SYNRG: variants seen among roughly 807,000 people sequenced by gnomAD.
SYNRG encodes the protein synergin gamma, also known as AP1 gamma subunit binding protein 1.
A neutral mutation model predicts 130.9 loss-of-function variants in SYNRG; 37 were observed. The ratio of observed to expected loss-of-function variants is 0.28; its 90% confidence interval spans 0.22 to 0.37. The LOEUF is 0.37. SYNRG is among the 10% of genes least tolerant of loss of function. The probability of loss-of-function intolerance (pLI) is 1.00; values close to 1 mark genes in which losing one functional copy is unlikely to be tolerated. For synonymous variants in SYNRG, 539 were observed against 568.1 expected (o/e 0.95, Z 0.73); for missense variants, 1,338 against 1,588.9 (o/e 0.84, Z 2.68).
chr17:37,595,843 C>T (rs1196290911), intron 3 of SYNRG, among the ~76,000 whole-genome samples: 1 of 151,766 alleles, frequency 6.6e-6, no homozygotes, highest in Non-Finnish European at 1.5e-5. Flanking sequence ...CAACCTCCAC[C>T]TCTCGGGTTT....
In SYNRG at chr17:37,520,547, C is replaced by G. The variant is rs775106076; in HGVS notation, c.3768G>C (p.Ser1256=). ...AGGCTGCGTGACTTACCCGGCTCCTCGAGTCCACATTCAAGAGGCACACTC... is the reference window on the plus strand; with the variant it reads ...AGGCTGCGTGACTTACCCGGCTCCTGGAGTCCACATTCAAGAGGCACACTC... ...ACGVCLLNVD[S]RSRKEEKPAE... Residue 1256 remains serine, a synonymous_variant, in exon 20 of 22, where the codon TCG becomes TCC. Transcript: ENST00000612223. 1 of 1,613,974 alleles carries G rather than the reference C, an allele frequency of 6.2e-7. No homozygotes were observed. Among genetic ancestry groups the G allele is most frequent in the Non-Finnish European group, 8.5e-7 (1 of 1,180,030 alleles).
In SYNRG at chr17:37,597,421, A is replaced by G. The variant is rs773026549; in HGVS notation, c.119-1077T>C. Among the ~76,000 whole-genome samples the G allele has an allele frequency of 2.6e-4, 39 of 152,366 alleles. No homozygotes were observed. The Middle Eastern group carries it at 0.01, about 40-fold the overall frequency. On this transcript the variant is annotated intron_variant, in intron 2 of 21. Coordinates refer to ENST00000612223, the MANE Select transcript of SYNRG (RefSeq NM_007247.6). Reference sequence around the variant, plus strand: ...TTTGTTACACAACAGCAGATAACTAACAAAATAACAGTTAGGAGCATGAAC... The same window carrying G: ...TTTGTTACACAACAGCAGATAACTAGCAAAATAACAGTTAGGAGCATGAAC...
At chr17:37,558,783 A>AT (rs1427374262) in intron 13 of SYNRG, among the ~76,000 whole-genome samples, 19 of 152,214 alleles carry the variant, frequency 1.2e-4, no homozygotes, top group Non-Finnish European at 2.4e-4. Context: ...ATCCTTGAAC[A>AT]TACTAAGTGA....
chr17:37,583,472 C>CCCGGAAAAATCAAGAACTGGTTA, intron 6 of SYNRG, among the ~76,000 whole-genome samples: 1 of 152,150 alleles, frequency 6.6e-6, no homozygotes, highest in South Asian at 2.1e-4. Context: ...TCAAAGTTGT[C>CCCGGAAAAATCAAGAACTGGTTA]CCGGAAAAAT....
chr17:37,540,350 C>T, intron 16 of SYNRG, 30 bp downstream of exon 16: 2 of 1,610,252 alleles, frequency 1.2e-6, no homozygotes, highest in Non-Finnish European at 1.7e-6. Context: ...TGGTCTGTTA[C>T]CCACCCCTTG....
At chr17:37,582,695 T>C (rs941280099) in intron 6 of SYNRG, among the ~76,000 whole-genome samples, 3 of 152,066 alleles carry the variant, frequency 2.0e-5, no homozygotes, top group African/African-American at 7.2e-5. Context: ...ATCCCGTCTC[T>C]ACAAAAAATA....
At chr17:37,576,488 G>A in intron 7 of SYNRG, 70 bp from the exon 8 acceptor site, 15 of 1,465,988 alleles carry the variant, frequency 1.0e-5, no homozygotes, top group Non-Finnish European at 1.4e-5. Flanking sequence ...CTGAGTCATG[G>A]TTTTTTACAA....
rs759361585 is a variant in SYNRG, at chr17:37,609,288, C to A, written c.68G>T (p.Gly23Val). Residue 23 changes from glycine (G) to valine (V), a missense_variant, in exon 1 of 22, where the codon GGG (glycine) becomes GTG (valine). This residue lies in a region of SYNRG where 184 missense variants were observed against 217.2 expected (regional missense o/e 0.85). Transcript: ENST00000612223. ...GGCTCTTCACACCTACCCGCCTCCC[C>A]CGGCGGACCCCGCGCCAGCTCCCGC... is the stretch of plus-strand genomic sequence containing the variant. ...GAAGAGAGSA[G>V]GGGFMFPVAG... is the part of the protein sequence containing the mutation. 6 of 1,451,912 alleles carry A rather than the reference C, an allele frequency of 4.1e-6. No homozygotes were observed. Among genetic ancestry groups the A allele is most frequent in the South Asian group, 2.7e-5 (2 of 74,572 alleles). 89.9% of individuals were successfully genotyped at this position (1,451,912 alleles called of 1,614,324 possible).
intron 2 of SYNRG, among the ~76,000 whole-genome samples, chr17:37,599,108 C>T (rs1375709067): frequency 3.9e-5 from 6 of 152,208 alleles, no homozygotes; most frequent in African/African-American, 1.4e-4. Flanking sequence ...ATCTCTACTG[C>T]TGACCTAGGA....
intron 16 of SYNRG, 82 bp from the exon 17 acceptor site, chr17:37,539,327 G>T: frequency 1.4e-6 from 2 of 1,428,894 alleles, no homozygotes; most frequent in Non-Finnish European, 9.7e-7. Context: ...CAAAGTGCTT[G>T]GAGGACTTTC....
chr17:37,557,752 G>A (rs546854094), intron 13 of SYNRG, among the ~76,000 whole-genome samples: 37 of 152,196 alleles, frequency 2.4e-4, no homozygotes, highest in Middle Eastern at 3.4e-3. Flanking sequence ...TGGGACGGAG[G>A]CTGAGGCTGC....
intron 6 of SYNRG, among the ~76,000 whole-genome samples, chr17:37,582,254 T>C (rs540036779): frequency 1.1e-3 from 163 of 152,240 alleles, no homozygotes; most frequent in African/African-American, 3.6e-3. Context: ...AAAACCTGGA[T>C]GCACTGAAAG....
At chr17:37,571,025 GA>G (rs1289596337) in intron 9 of SYNRG, 140 bp from the exon 10 acceptor site, 9 of 1,171,202 alleles carry the variant, frequency 7.7e-6, no homozygotes, top group Non-Finnish European at 1.1e-5. Context: ...TTTGATTTAA[GA>G]AAAAAAGTTA....
Position 37,577,465 on chromosome 17 carries a change from C to A in SYNRG, c.738G>T (p.Gly246=). 6.2e-7 allele frequency: 1 copy of A among 1,614,144 alleles called. No individual in the cohort carries two copies. The highest frequency in any genetic ancestry group is 8.5e-7 in the Non-Finnish European group (1 of 1,180,034). Residue 246 remains glycine, a synonymous_variant, in exon 7 of 22, where the codon GGG becomes GGT. Coordinates refer to ENST00000612223, the MANE Select transcript of SYNRG (RefSeq NM_007247.6). ...CACTTACACATCCATCTACAGCAAC[C>A]CCGTTACTGGCCATTAAACTGGGAT... ...KKYPSLMASN[G]VAVDGCVSGT...
Position 37,514,878 on chromosome 17 carries a change from T to C in SYNRG, c.*4062A>G, listed in dbSNP as rs1421056167. On this transcript the variant is annotated 3_prime_UTR_variant, in exon 22 of 22. Transcript: ENST00000612223. ...TTTCAGAACAGACCCTGAAAATATTTTAAAGGTAAAGCTTTATAATGTCTA... is the reference window on the plus strand; with the variant it reads ...TTTCAGAACAGACCCTGAAAATATTCTAAAGGTAAAGCTTTATAATGTCTA... The C allele has an allele frequency of 3.3e-5, 5 of 152,224 alleles. No homozygotes were observed. Among genetic ancestry groups the C allele is most frequent in the African/African-American group, 1.2e-4 (5 of 41,460 alleles). 9.4% of individuals were successfully genotyped at this position (152,224 alleles called of 1,614,324 possible).
rs528208371 is a variant in SYNRG, at chr17:37,599,147, A to G, written c.118+1216T>C. Among the ~76,000 whole-genome samples, 11 of 152,314 alleles carry G rather than the reference A, an allele frequency of 7.2e-5. 1 individual carries two copies. In the South Asian group the frequency reaches 1.7e-3, roughly 23 times the overall value. On this transcript the variant is annotated intron_variant, in intron 2 of 21. Coordinates refer to ENST00000612223, the MANE Select transcript of SYNRG (RefSeq NM_007247.6). The stretch of plus-strand genomic sequence containing the variant: ...TCTGTTTCTTTAGCAAATCTATGAC[A>G]ACCAATCAACGCTGGCTTTTTAAGA...
intron 6 of SYNRG, among the ~76,000 whole-genome samples, chr17:37,578,204 A>G (rs1598466881): frequency 6.6e-6 from 1 of 151,864 alleles, no homozygotes; most frequent in East Asian, 2.0e-4. Context: ...GGTGGCGGGC[A>G]CCTGTAATTT....
intron 13 of SYNRG, among the ~76,000 whole-genome samples, chr17:37,555,026 T>C (rs2059004281): frequency 6.6e-6 from 1 of 152,114 alleles, no homozygotes; most frequent in Admixed American, 6.5e-5. Context: ...GTGTCTCAGA[T>C]TTGTTTATTT....
At chr17:37,554,694 GC>G (rs1409235722) in intron 13 of SYNRG, among the ~76,000 whole-genome samples, 2 of 152,114 alleles carry the variant, frequency 1.3e-5, no homozygotes, top group Non-Finnish European at 2.9e-5. Context: ...TCTAGGTGGG[GC>G]ACATTGTAAA....
Sources: gnomAD v4.1 joint callset for allele counts (sites outside exome capture counted in the v4.1 genomes callset) on GRCh38, gnomAD v4.1.1 for gene constraint, gnomAD v4.1.1 regional missense constraint, MANE v1.5 for transcripts, NCBI Gene and HGNC (gene_info 2026-07-23, HGNC 2026-07-21) for gene names.